The following SHISA6 variants were observed in gnomAD, a reference collection of about 807,000 sequenced individuals.
The protein encoded by SHISA6 is protein shisa-6.
Under a neutral mutation model 47.9 loss-of-function variants are expected in SHISA6, and 22 were observed. The observed-to-expected ratio is 0.46, with a 90% CI of 0.33 to 0.66. SHISA6 has a LOEUF of 0.66. Among genes scored for constraint, SHISA6 ranks in the 30% least tolerant of loss-of-function variants. The pLI, the probability that SHISA6 is intolerant of heterozygous loss-of-function variation, is 0.02. For synonymous variants in SHISA6, 388 were observed against 337.8 expected (o/e 1.15, Z -1.63); for missense variants, 680 against 764.6 (o/e 0.89, Z 1.30).
intron 3 of SHISA6, among the ~76,000 whole-genome samples, chr17:11,454,107 G>A (rs1915471276): frequency 6.6e-6 from 1 of 152,156 alleles, no homozygotes; most frequent in Non-Finnish European, 1.5e-5. Context: ...CTGTTTTCTG[G>A]AGTGCGTCTC....
At chr17:11,324,508 G>A (rs1910810138) in intron 2 of SHISA6, among the ~76,000 whole-genome samples, 1 of 152,140 alleles carries the variant, frequency 6.6e-6, no homozygotes, top group African/African-American at 2.4e-5. Flanking sequence ...TAGCTTCCTG[G>A]ATAGTAGAAG....
chr17:11,437,893 C>G (rs1275881961), intron 3 of SHISA6, among the ~76,000 whole-genome samples: 1 of 152,160 alleles, frequency 6.6e-6, no homozygotes, highest in African/African-American at 2.4e-5. Flanking sequence ...GGGGCTGCAG[C>G]TAGGGCCACT....
At chr17:11,332,651 G>C (rs894498175) in intron 2 of SHISA6, among the ~76,000 whole-genome samples, 3 of 152,072 alleles carry the variant, frequency 2.0e-5, no homozygotes, top group Non-Finnish European at 4.4e-5. Context: ...TGCAGACTAG[G>C]CTCCATGGAA....
At chr17:11,527,619 G>A (rs1393448988) in intron 3 of SHISA6, among the ~76,000 whole-genome samples, 2 of 152,056 alleles carry the variant, frequency 1.3e-5, no homozygotes, top group East Asian at 1.9e-4. Flanking sequence ...ATAGTTTAAG[G>A]GTTGGCACTA....
Position 11,327,041 on chromosome 17 carries a change from G to A in SHISA6, c.800-52373G>A, listed in dbSNP as rs544485094. ...CCCTCTGGGTGGAGTGGGAGGAGCC[G>A]TAGGGTTGGAATACTCCTATAAAGT... On this transcript the variant is annotated intron_variant, in intron 2 of 5. Transcript: ENST00000441885. 7.2e-5 allele frequency among the ~76,000 whole-genome samples: 11 copies of A among 152,300 alleles called. No individual in the cohort carries two copies. In the South Asian group the frequency reaches 1.0e-3, roughly 14 times the overall value.
chr17:11,543,910 CAA>C (rs200573876), intron 3 of SHISA6, among the ~76,000 whole-genome samples: 45 of 96,362 alleles, frequency 4.7e-4, no homozygotes, highest in South Asian at 2.0e-3. Flanking sequence ...TATTTATAAG[CAA>C]AAAAAAAAAA....
chr17:11,370,030 T>A (rs775382944), intron 2 of SHISA6, among the ~76,000 whole-genome samples: 10 of 152,158 alleles, frequency 6.6e-5, no homozygotes, highest in Non-Finnish European at 1.2e-4. Context: ...CTAGCTCCAG[T>A]TTCCTCATTA....
At chr17:11,474,527 C>T (rs1916009113) in intron 3 of SHISA6, among the ~76,000 whole-genome samples, 1 of 151,328 alleles carries the variant, frequency 6.6e-6, no homozygotes, top group Non-Finnish European at 1.5e-5. Flanking sequence ...GTGTGGATTT[C>T]CAGTTGTTCC....
chr17:11,435,811 G>C (rs1301253033), intron 3 of SHISA6, among the ~76,000 whole-genome samples: 1 of 152,150 alleles, frequency 6.6e-6, no homozygotes, highest in Non-Finnish European at 1.5e-5. Context: ...TCAAAAACTG[G>C]TGTTAAGGTG....
intron 2 of SHISA6, among the ~76,000 whole-genome samples, chr17:11,340,949 C>T (rs971064827): frequency 5.9e-5 from 9 of 152,206 alleles, no homozygotes; most frequent in Admixed American, 1.3e-4. Context: ...GCCTGTGGAG[C>T]CCTGCTGGTT....
intron 3 of SHISA6, among the ~76,000 whole-genome samples, chr17:11,469,226 G>A (rs1235596914): frequency 1.3e-5 from 2 of 152,020 alleles, no homozygotes; most frequent in Admixed American, 1.3e-4. Flanking sequence ...AGATGGTCCT[G>A]AATTATCTGG....
In SHISA6 at chr17:11,258,977, A is replaced by G. The variant is rs138555581; in HGVS notation, c.639-4389A>G. ...GGTGGAGGGATGAATGGAGGAATGG[A>G]TGAATGGATGGAGAGTTGGATGGAA... On this transcript the variant is annotated intron_variant, in intron 1 of 5. Coordinates refer to ENST00000441885, the MANE Select transcript of SHISA6 (RefSeq NM_207386.4). 2.6e-5 allele frequency among the ~76,000 whole-genome samples: 4 copies of G among 152,232 alleles called. No individual in the cohort carries two copies. The East Asian group carries it at 7.7e-4, about 29-fold the overall frequency.
chr17:11,503,013 T>C (rs1181619482), intron 3 of SHISA6, among the ~76,000 whole-genome samples: 1 of 152,182 alleles, frequency 6.6e-6, no homozygotes. Context: ...TTACCTTTGA[T>C]CAACCATGTA....
At chr17:11,524,843 T>G (rs1273920794) in intron 3 of SHISA6, among the ~76,000 whole-genome samples, 1 of 152,226 alleles carries the variant, frequency 6.6e-6, no homozygotes, top group Non-Finnish European at 1.5e-5. Flanking sequence ...CAGTCACTTC[T>G]ATAATCTGAC....
intron 1 of SHISA6, among the ~76,000 whole-genome samples, chr17:11,258,126 A>C (rs1025677122): frequency 6.6e-6 from 1 of 152,232 alleles, no homozygotes; most frequent in Non-Finnish European, 1.5e-5. Context: ...TATTCACGGA[A>C]TAGTTCATCT....
chr17:11,350,766 T>C (rs1911863405), intron 2 of SHISA6, among the ~76,000 whole-genome samples: 1 of 152,194 alleles, frequency 6.6e-6, no homozygotes, highest in African/African-American at 2.4e-5. Flanking sequence ...AATTCCTTAC[T>C]AGTTTCATAC....
chr17:11,317,009 C>T (rs781416743), intron 2 of SHISA6, among the ~76,000 whole-genome samples: 55 of 152,220 alleles, frequency 3.6e-4, no homozygotes, highest in Non-Finnish European at 7.4e-4. Flanking sequence ...GAATGAGCTC[C>T]TGTTACCATT....
At chr17:11,347,399 C>T (rs11868587) in intron 2 of SHISA6, among the ~76,000 whole-genome samples, 16,136 of 152,172 alleles carry the variant, frequency 0.11, 890 homozygotes, top group African/African-American at 0.13. Flanking sequence ...GAATCATTCT[C>T]TAGATTACAG....
chr17:11,540,402 G>T (rs1439990315), intron 3 of SHISA6, among the ~76,000 whole-genome samples: 1 of 152,092 alleles, frequency 6.6e-6, no homozygotes, highest in African/African-American at 2.4e-5. Context: ...TGGGAGTCTG[G>T]CTATGTCTCT....
Sources: allele counts gnomAD v4.1 joint callset (sites outside exome capture counted in the v4.1 genomes callset), GRCh38; gene constraint gnomAD v4.1.1; transcripts MANE v1.5; gene names NCBI Gene and HGNC (gene_info 2026-07-23, HGNC 2026-07-21).